Variants in SPTBN2 observed in about 807,000 individuals in gnomAD.
SPTBN2 encodes the protein spectrin beta, non-erythrocytic 2.
Under a neutral mutation model 284.2 loss-of-function variants are expected in SPTBN2, and 107 were observed. The ratio of observed to expected loss-of-function variants is 0.38; its 90% CI spans 0.32 to 0.44. The LOEUF (loss-of-function observed/expected upper bound fraction) is 0.44, where lower values mean the gene tolerates loss of function less well. Among genes scored for constraint, SPTBN2 ranks in the 20% least tolerant of loss-of-function variants. The pLI is 1.00. For missense variants in SPTBN2, 2,569 were observed against 3,287.1 expected, an observed-to-expected ratio of 0.78 and a Z score of 5.34; for synonymous variants, 1,289 against 1,354.8, an observed-to-expected ratio of 0.95 and a Z score of 1.07.
chr11:66,704,283 T>G (rs1941402878), intron 15 of SPTBN2, among the ~76,000 whole-genome samples: 1 of 152,118 alleles, frequency 6.6e-6, no homozygotes, highest in Non-Finnish European at 1.5e-5. Flanking sequence ...CTTCCTTGTA[T>G]TTCTTAAAGG....
rs1000673652 is a variant in SPTBN2, at chr11:66,691,153, C to T, written c.5565+131G>A. 1.4e-4 allele frequency: 182 copies of T among 1,322,344 alleles called. 1 individual carries two copies. In the South Asian group the frequency reaches 3.0e-3, roughly 22 times the overall value. The allele number at this position is 1,322,344 out of a possible 1,614,324, so 81.9% of individuals were successfully genotyped here. ...TTTTCTTGGAGCAATTTCCTCATCT[C>T]GAAATGGCCCTCGAAAGAGTGCCGT... On this transcript the variant is annotated intron_variant, in intron 27 of 37. Coordinates refer to ENST00000533211, the MANE Select transcript of SPTBN2 (RefSeq NM_006946.4). This position sits in a 1 kb window ranked among gnomAD's most constrained non-coding sequence, Gnocchi z 8.0.
chr11:66,721,803 T>TG (rs1469983744), intron 1 of SPTBN2, among the ~76,000 whole-genome samples: 1 of 152,042 alleles, frequency 6.6e-6, no homozygotes, highest in African/African-American at 2.4e-5. Context: ...CACAGCACTT[T>TG]GGGAGGCCGA....
At chr11:66,737,839 A>T (rs1942864710) in intron 1 of SPTBN2, among the ~76,000 whole-genome samples, 1 of 152,320 alleles carries the variant, frequency 6.6e-6, no homozygotes, top group Admixed American at 6.5e-5. Flanking sequence ...AATCAGGAGA[A>T]GAGGTGGGGA....
intron 27 of SPTBN2, 191 bp from the exon 28 acceptor site, chr11:66,690,474 C>T (rs1362431471): frequency 1.4e-6 from 1 of 731,152 alleles, no homozygotes; most frequent in African/African-American, 1.8e-5. Flanking sequence ...TGGGTCTCAT[C>T]TAGACACCTG....
chr11:66,717,595 G>A (rs546367853), intron 3 of SPTBN2, among the ~76,000 whole-genome samples: 1 of 152,292 alleles, frequency 6.6e-6, no homozygotes, highest in Admixed American at 6.5e-5. Context: ...AAGGTGCCTT[G>A]GGGCCTCCCG....
Position 66,714,315 on chromosome 11 carries a change from C to A in SPTBN2, c.575+1G>T. The A allele has an allele frequency of 1.2e-6, 2 of 1,613,978 alleles. No individual in the cohort carries two copies. Among genetic ancestry groups the A allele is most frequent in the Non-Finnish European group, 1.7e-6 (2 of 1,179,972 alleles). On this transcript the variant is annotated splice_donor_variant, in intron 6 of 37. Coordinates refer to ENST00000533211, the MANE Select transcript of SPTBN2 (RefSeq NM_006946.4). LOFTEE classifies it high-confidence loss of function. ...GTGCCACACGCCCAGGGTGTCCTCA[C>A]CCTGCAGTCTTCATCTGGCACCACA...
In SPTBN2 at chr11:66,725,993, T is replaced by C. The variant is rs570356; in HGVS notation, c.-114+2748A>G. Reference sequence around the variant, plus strand: ...GGGCACTTCGGCATGCAGCTAGTATTGTACTTATCACATCGCATTACGGTT... The same window carrying C: ...GGGCACTTCGGCATGCAGCTAGTATCGTACTTATCACATCGCATTACGGTT... On this transcript the variant is annotated intron_variant, in intron 1 of 37. Transcript: ENST00000533211. Among the ~76,000 whole-genome samples the C allele has an allele frequency of 2.4e-3, 367 of 152,304 alleles. 2 individuals are homozygous for C. The highest frequency in any genetic ancestry group is 8.3e-3 in the African/African-American group (346 of 41,560).
chr11:66,732,706 C>T (rs1292626978), upstream of SPTBN2, among the ~76,000 whole-genome samples: 1 of 149,830 alleles, frequency 6.7e-6, no homozygotes, highest in Admixed American at 6.7e-5. Context: ...TGGCTCACGC[C>T]TGTAATCCCA....
intron 1 of SPTBN2, among the ~76,000 whole-genome samples, chr11:66,725,121 T>A (rs1452647622): frequency 2.0e-5 from 3 of 152,208 alleles, no homozygotes. Flanking sequence ...GAAGCATGCA[T>A]GCTGTGTGTT....
chr11:66,715,834 A>C lies in SPTBN2; in HGVS notation c.305T>G (p.Ile102Arg). ...LRLLEVLSGE[I>R]LPKPTKGRMR... ...CCCTTCATGACCACAGCTCACCAGTATCTCTCCCGAGAGCACCTCGAGGAG... is the reference window on the plus strand; with the variant it reads ...CCCTTCATGACCACAGCTCACCAGTCTCTCTCCCGAGAGCACCTCGAGGAG... Residue 102 changes from isoleucine (I) to arginine (R), a missense_variant, in exon 4 of 38, where the codon ATA becomes AGA. This residue lies in a region of SPTBN2 where 304 missense variants were observed against 522.1 expected (regional missense o/e 0.58). Coordinates refer to ENST00000533211, the MANE Select transcript of SPTBN2 (RefSeq NM_006946.4). The surrounding 1 kb of genome is among the most constrained non-coding windows in gnomAD (Gnocchi z 5.3). 1 of 1,613,102 alleles carries C rather than the reference A, an allele frequency of 6.2e-7. No homozygotes were observed. Among genetic ancestry groups the C allele is most frequent in the Non-Finnish European group, 8.5e-7 (1 of 1,179,856 alleles).
At chr11:66,743,671 G>A (rs1439277347) in intron 1 of SPTBN2, among the ~76,000 whole-genome samples, 1 of 152,180 alleles carries the variant, frequency 6.6e-6, no homozygotes, top group Non-Finnish European at 1.5e-5. Flanking sequence ...GAAAACCCCA[G>A]AGCTTCTCCT....
chr11:66,728,179 C>CCGGG (rs1942698054), intron 1 of SPTBN2: 1 of 146,008 alleles, frequency 6.8e-6, no homozygotes, highest in Admixed American at 6.8e-5. Flanking sequence ...GGAGCCGCGG[C>CCGGG]CGGGCGGGCG....
chr11:66,692,478 T>C lies in SPTBN2; in HGVS notation c.5190+58A>G, dbSNP rs1940624008. The C allele has an allele frequency of 3.1e-6, 5 of 1,588,324 alleles. No individual in the cohort carries two copies. In the African/African-American group the frequency reaches 5.4e-5, roughly 17 times the overall value. On this transcript the variant is annotated intron_variant, in intron 26 of 37. Transcript: ENST00000533211. ...GCCTGGGACTAGGTCCTAGTCTCCCTGTGGGTCCTCCACTCTTCCCACGGT... is the reference window on the plus strand; with the variant it reads ...GCCTGGGACTAGGTCCTAGTCTCCCCGTGGGTCCTCCACTCTTCCCACGGT...
Position 66,714,179 on chromosome 11 carries a change from CAG to C in SPTBN2, c.576-10_576-9del. ...ACATTGACGTTGGGATAACTATAAA[CAG>C]AGATTCAGAAAATGGTGAGTAGGGC... On this transcript the variant is annotated splice_polypyrimidine_tract_variant and intron_variant, in intron 6 of 37. Coordinates refer to ENST00000533211, the MANE Select transcript of SPTBN2 (RefSeq NM_006946.4). The C allele has an allele frequency of 6.2e-7, 1 of 1,614,060 alleles. No homozygotes were observed. Among genetic ancestry groups the C allele is most frequent in the Non-Finnish European group, 8.5e-7 (1 of 1,179,918 alleles).
chr11:66,714,025 C>T, intron 7 of SPTBN2, 66 bp downstream of exon 7: 1 of 1,512,770 alleles, frequency 6.6e-7, no homozygotes, highest in Non-Finnish European at 9.2e-7. Context: ...TCTGTCTCCA[C>T]ATGTGCACCC....
intron 1 of SPTBN2, among the ~76,000 whole-genome samples, chr11:66,725,547 G>GTCTC (rs1163315680): frequency 0.011 from 1,649 of 152,290 alleles, 37 homozygotes; most frequent in African/African-American, 0.037. Flanking sequence ...ATGACCCCCT[G>GTCTC]TCATGAGGAA....
chr11:66,693,668 A>G lies in SPTBN2; in HGVS notation c.4593+104T>C. The G allele has an allele frequency of 1.5e-6, 2 of 1,341,956 alleles. No individual in the cohort carries two copies. 83.1% of individuals were successfully genotyped at this position (1,341,956 alleles called of 1,614,324 possible). A position where few individuals can be genotyped will look rare whatever the true frequency, so the allele number is the denominator to read the frequency against. On this transcript the variant is annotated intron_variant, in intron 23 of 37. Coordinates refer to ENST00000533211, the MANE Select transcript of SPTBN2 (RefSeq NM_006946.4). The surrounding 1 kb of genome is among the most constrained non-coding windows in gnomAD (Gnocchi z 5.7). ...TGAGGAAAGACAGCCACTGAAGTCC[A>G]GGGTTACACTCAGCATCGAGGGGGG...
At chr11:66,722,765 C>T (rs1162171866) in intron 1 of SPTBN2, among the ~76,000 whole-genome samples, 4 of 151,142 alleles carry the variant, frequency 2.6e-5, no homozygotes. Context: ...TGGTAGCACA[C>T]GACTGTAGTC....
Position 66,701,096 on chromosome 11 carries a change from C to T in SPTBN2, c.3003G>A (p.Leu1001=). ...CCTCCAGGTCCCGCTCCGTGCCGGC[C>T]AGCTTGCGCTGCAGGGCCAGCACCC... ...LAGVLALQRK[L]AGTERDLEAI... is the part of the protein sequence containing the mutation. The change falls in exon 17 of 38, where the codon CTG becomes CTA. Residue 1001 remains leucine, a synonymous_variant. Transcript: ENST00000533211. 2 of 1,612,746 alleles carry T rather than the reference C, an allele frequency of 1.2e-6. No homozygotes were observed. The highest frequency in any genetic ancestry group is 1.7e-6 in the Non-Finnish European group (2 of 1,180,028).
Sources: allele counts gnomAD v4.1 joint callset (sites outside exome capture counted in the v4.1 genomes callset), GRCh38; gene constraint gnomAD v4.1.1; regional missense constraint gnomAD v4.1.1; non-coding constraint Gnocchi (gnomAD v3.1); transcripts MANE v1.5; gene names NCBI Gene and HGNC (gene_info 2026-07-23, HGNC 2026-07-21).